CHERP: variants seen among roughly 807,000 people sequenced by gnomAD.
CHERP encodes calcium homeostasis endoplasmic reticulum protein, also known as ERPROT 213-21.
A neutral mutation model predicts 113.8 loss-of-function variants in CHERP; 8 were observed. The ratio of observed to expected loss-of-function variants is 0.07; its 90% CI spans 0.04 to 0.13. CHERP has a LOEUF of 0.13. Ranked by LOEUF, CHERP falls within the 10% of genes least tolerant of loss-of-function variation. CHERP has a pLI of 1.00. For synonymous variants in CHERP, 559 were observed against 524.5 expected, an observed-to-expected ratio of 1.07 and a Z score of -0.90; for missense variants, 884 against 1,298.2, an observed-to-expected ratio of 0.68 and a Z score of 4.90.
Position 16,520,983 on chromosome 19 carries a change from G to A in CHERP, c.2115-71C>T, listed in dbSNP as rs976329233. 1 of 1,323,936 alleles carries A rather than the reference G, an allele frequency of 7.6e-7. No homozygotes were observed. Among genetic ancestry groups the A allele is most frequent in the Non-Finnish European group, 1.1e-6 (1 of 921,192 alleles). The allele number at this position is 1,323,936 out of a possible 1,614,324, so 82.0% of individuals were successfully genotyped here. A position where few individuals can be genotyped will look rare whatever the true frequency, so the allele number is the denominator to read the frequency against. On this transcript the variant is annotated intron_variant, in intron 12 of 16. Transcript: ENST00000546361. The surrounding 1 kb of genome is among the most constrained non-coding windows in gnomAD (Gnocchi z 4.0). ...CAAGGAAGTCGTGAAAAAGTCATCA[G>A]GAGTTAATCCACAGAACCTTGGAGA...
In CHERP at chr19:16,523,130, G is replaced by A; in HGVS notation, c.1902C>T (p.Ile634=). Residue 634 remains isoleucine (I), a synonymous_variant, in exon 11 of 17, where the codon ATC becomes ATT. Coordinates refer to ENST00000546361, the MANE Select transcript of CHERP (RefSeq NM_006387.6). The surrounding 1 kb of genome is among the most constrained non-coding windows in gnomAD (Gnocchi z 4.0). The stretch of plus-strand genomic sequence containing the variant: ...GGACCAGGCTGGGGTCATCGTGGTT[G>A]ATGTGGGGTGGGCCCTGTCGCCGCA... ...PHMRRQGPPH[I]NHDDPSLVPN... 1 of 1,550,870 alleles carries A rather than the reference G, an allele frequency of 6.4e-7. No homozygotes were observed. Among genetic ancestry groups the A allele is most frequent in the Admixed American group, 2.1e-5 (1 of 48,318 alleles).
At chr19:16,524,799 C>T (rs2085645633) in intron 10 of CHERP, among the ~76,000 whole-genome samples, 6 of 151,306 alleles carry the variant, frequency 4.0e-5, no homozygotes, top group Admixed American at 3.3e-4. Context: ...CGGTCTGTCG[C>T]CCAGGGTGGA....
rs1228994810 is a variant in CHERP, at chr19:16,519,396, G to A, written c.2558-44C>T. ...TCACAACCACAACAAGGCGGAGGCA[G>A]ATGGGGGTGCACGTGGGGGGCTGAA... On this transcript the variant is annotated intron_variant, in intron 16 of 16. Coordinates refer to ENST00000546361, the MANE Select transcript of CHERP (RefSeq NM_006387.6). The surrounding 1 kb of genome is among the most constrained non-coding windows in gnomAD (Gnocchi z 6.0). 1 of 1,581,206 alleles carries A rather than the reference G, an allele frequency of 6.3e-7. No homozygotes were observed. Among genetic ancestry groups the A allele is most frequent in the Non-Finnish European group, 8.6e-7 (1 of 1,161,186 alleles).
Position 16,528,268 on chromosome 19 carries a change from G to A in CHERP, c.1130-13C>T, listed in dbSNP as rs1336631555. ...GGCTTGCTGTCATCTAAATCCAAGT[G>A]ACAGGCAGTTAGAGCAGGCCTGGCA... On this transcript the variant is annotated splice_polypyrimidine_tract_variant and intron_variant, in intron 8 of 16. Transcript: ENST00000546361. 6.4e-7 allele frequency: 1 copy of A among 1,557,616 alleles called. No individual in the cohort carries two copies. The highest frequency in any genetic ancestry group is 1.4e-5 in the African/African-American group (1 of 72,942).
chr19:16,519,840 G>C lies in CHERP; in HGVS notation c.2463-125C>G. 1 of 873,654 alleles carries C rather than the reference G, an allele frequency of 1.1e-6. No individual in the cohort carries two copies. Among genetic ancestry groups the C allele is most frequent in the Non-Finnish European group, 1.9e-6 (1 of 523,764 alleles). The allele number at this position is 873,654 out of a possible 1,614,324, so 54.1% of individuals were successfully genotyped here. A position where few individuals can be genotyped will look rare whatever the true frequency, so the allele number is the denominator to read the frequency against. On this transcript the variant is annotated intron_variant, in intron 15 of 16. Coordinates refer to ENST00000546361, the MANE Select transcript of CHERP (RefSeq NM_006387.6). The surrounding 1 kb of genome is among the most constrained non-coding windows in gnomAD (Gnocchi z 6.0). The stretch of plus-strand genomic sequence containing the variant: ...CTGTCACCAGGTGACACCGTATGCA[G>C]ATTTTGCGTCTCTACCCGTTTATCC...
Position 16,535,977 on chromosome 19 carries a change from C to A in CHERP, c.200-341G>T, listed in dbSNP as rs1228833897. On this transcript the variant is annotated intron_variant, in intron 2 of 16. Transcript: ENST00000546361. The surrounding 1 kb of genome is among the most constrained non-coding windows in gnomAD (Gnocchi z 4.3). Reference sequence around the variant, plus strand: ...CTGCCCACCTCCTCACCCACCTAGGCCCCACCTGATGCAGAACCCAGGCCT... The same window carrying A: ...CTGCCCACCTCCTCACCCACCTAGGACCCACCTGATGCAGAACCCAGGCCT... Among the ~76,000 whole-genome samples the A allele has an allele frequency of 6.6e-6, 1 of 152,202 alleles. No homozygotes were observed. Among genetic ancestry groups the A allele is most frequent in the Non-Finnish European group, 1.5e-5 (1 of 68,022 alleles).
At chr19:16,521,789 G>T in intron 11 of CHERP, 135 bp from the exon 12 acceptor site, 2 of 766,162 alleles carry the variant, frequency 2.6e-6, no homozygotes, top group Non-Finnish European at 3.8e-6. Flanking sequence ...AGCTCCTCAT[G>T]CTTCCCTCTT....
chr19:16,541,729 C>T (rs1316698657), intron 2 of CHERP, 141 bp downstream of exon 2: 21 of 888,654 alleles, frequency 2.4e-5, no homozygotes, highest in South Asian at 3.3e-5. Context: ...GTGGGAACAG[C>T]GGAACAGGGA....
Position 16,519,569 on chromosome 19 carries a change from G to T in CHERP, c.2557+52C>A. On this transcript the variant is annotated intron_variant, in intron 16 of 16. Transcript: ENST00000546361. This position sits in a 1 kb window ranked among gnomAD's most constrained non-coding sequence, Gnocchi z 6.0. ...AAGAGAAAGCGCTGGTGACTCCCGG[G>T]CCCAGCACGCGTGAGGACCCATCCC... 1 of 1,501,638 alleles carries T rather than the reference G, an allele frequency of 6.7e-7. No individual in the cohort carries two copies. The highest frequency in any genetic ancestry group is 9.3e-7 in the Non-Finnish European group (1 of 1,078,764). The allele number at this position is 1,501,638 out of a possible 1,614,324, so 93.0% of individuals were successfully genotyped here.
At chr19:16,527,099 C>A (rs1199531697) in intron 9 of CHERP, among the ~76,000 whole-genome samples, 1 of 152,210 alleles carries the variant, frequency 6.6e-6, no homozygotes, top group South Asian at 2.1e-4. Flanking sequence ...GCAGGATGCA[C>A]TGCTGGCCTA....
intron 8 of CHERP, 23 bp downstream of exon 8, chr19:16,529,625 G>C (rs1156244273): frequency 6.5e-7 from 1 of 1,532,972 alleles, no homozygotes; most frequent in South Asian, 1.2e-5. Flanking sequence ...CTGGGGGCAG[G>C]CTGAGCTGAG....
intron 8 of CHERP, 105 bp from the exon 9 acceptor site, chr19:16,528,360 T>G: frequency 8.8e-7 from 1 of 1,141,160 alleles, no homozygotes; most frequent in Non-Finnish European, 1.2e-6. Context: ...TAGTGCCCAG[T>G]GGATGATCGC....
Position 16,523,394 on chromosome 19 carries a change from T to C in CHERP, c.1742-104A>G. 7.4e-7 allele frequency: 1 copy of C among 1,343,566 alleles called. No individual in the cohort carries two copies. Among genetic ancestry groups the C allele is most frequent in the Non-Finnish European group, 1.0e-6 (1 of 970,022 alleles). The allele number at this position is 1,343,566 out of a possible 1,614,324, so 83.2% of individuals were successfully genotyped here. ...AGTGAAGGGCCAGGAGACGAACCCC[T>C]CCTGGGAGCCTGTCCAGCATCTTCT... On this transcript the variant is annotated intron_variant, in intron 10 of 16. Transcript: ENST00000546361. This position sits in a 1 kb window ranked among gnomAD's most constrained non-coding sequence, Gnocchi z 4.0.
chr19:16,526,110 G>A (rs2122257656), intron 9 of CHERP: 2 of 180,326 alleles, frequency 1.1e-5, no homozygotes, highest in Middle Eastern at 4.6e-3. Context: ...CCCCTGCCCT[G>A]CCTCACTCCC....
At chr19:16,536,129 AC>A (rs2085739725) in intron 2 of CHERP, among the ~76,000 whole-genome samples, 2 of 151,670 alleles carry the variant, frequency 1.3e-5, no homozygotes, top group East Asian at 3.9e-4. Flanking sequence ...ACGAAGCCGC[AC>A]CCCCGAGCGC....
At chr19:16,529,406 TTTC>T (rs1219559292) in intron 8 of CHERP, among the ~76,000 whole-genome samples, 1 of 152,174 alleles carries the variant, frequency 6.6e-6, no homozygotes, top group Non-Finnish European at 1.5e-5. Context: ...CTTTCCTCTA[TTTC>T]TTTTCTCTGG....
At position 16,520,506 on chromosome 19, in the gene CHERP, C is replaced by A; in HGVS notation, c.2203G>T (p.Gly735Ter). ...GATCTGCTCCGAGACCTCGAGGGTC[C>A]GCTGTGGGGAGAGGCCTGATGATCA... ...RRKGQEKRNS[G>*]PSRSRSRSKS... The change falls in exon 14 of 17, where the codon GGA (glycine) becomes TGA (stop). Residue 735 changes from glycine to a stop codon, truncating the protein, a stop_gained and splice_region_variant. Coordinates refer to ENST00000546361, the MANE Select transcript of CHERP (RefSeq NM_006387.6). LOFTEE classifies it high-confidence loss of function. The surrounding 1 kb of genome is among the most constrained non-coding windows in gnomAD (Gnocchi z 4.0). The A allele has an allele frequency of 6.2e-7, 1 of 1,611,804 alleles. No homozygotes were observed. The highest frequency in any genetic ancestry group is 8.5e-7 in the Non-Finnish European group (1 of 1,178,866).
intron 11 of CHERP, 58 bp from the exon 12 acceptor site, chr19:16,521,712 C>A (rs759507094): frequency 3.4e-6 from 5 of 1,477,760 alleles, no homozygotes; most frequent in Middle Eastern, 3.6e-4. Context: ...CAGGCCCACC[C>A]AGGGTCTGCA....
intron 9 of CHERP, among the ~76,000 whole-genome samples, chr19:16,527,521 C>A (rs1164804834): frequency 2.6e-5 from 4 of 152,204 alleles, no homozygotes; most frequent in Non-Finnish European, 5.9e-5. Flanking sequence ...CCCTGGAAGA[C>A]CCGGGGCTGT....
Sources: allele counts gnomAD v4.1 joint callset (sites outside exome capture counted in the v4.1 genomes callset), GRCh38; gene constraint gnomAD v4.1.1; non-coding constraint Gnocchi (gnomAD v3.1); transcripts MANE v1.5; gene names NCBI Gene and HGNC (gene_info 2026-07-23, HGNC 2026-07-21).